The following NALF1 variants were observed in gnomAD, a reference collection of about 807,000 sequenced individuals.
NALF1 encodes the protein family with sequence similarity 155 member A.
NALF1 carries 3 observed loss-of-function variants against 48.4 expected under a neutral mutation model. The ratio of observed to expected loss-of-function variants is 0.06; its 90% CI spans 0.03 to 0.16. The LOEUF (loss-of-function observed/expected upper bound fraction) is 0.16. Among genes scored for constraint, NALF1 ranks in the 10% least tolerant of loss-of-function variants. The probability of loss-of-function intolerance (pLI) is 1.00; values close to 1 mark genes in which losing one functional copy is unlikely to be tolerated. For synonymous variants in NALF1, 262 were observed against 245.7 expected (o/e 1.07, Z -0.62); for missense variants, 526 against 571.5 (o/e 0.92, Z 0.81).
chr13:107,606,419 G>A (rs541090348), intron 1 of NALF1, among the ~76,000 whole-genome samples: 17 of 151,344 alleles, frequency 1.1e-4, no homozygotes, highest in South Asian at 8.4e-4. Context: ...AGACTGGAGC[G>A]CAGTGGTGCA....
chr13:107,701,914 T>C (rs973308918), intron 1 of NALF1, among the ~76,000 whole-genome samples: 2 of 152,188 alleles, frequency 1.3e-5, no homozygotes, highest in African/African-American at 4.8e-5. Context: ...CTCACTTTAA[T>C]GCGCTTATCA....
rs539888805 is a variant in NALF1, at chr13:107,614,804, G to C, written c.915+250878C>G. Reference sequence around the variant, plus strand: ...TTTCTTTTCTTTTTTTGAAGACAGAGTCTCGCTCTGTCACCCAGGCTGGAC... The same window carrying C: ...TTTCTTTTCTTTTTTTGAAGACAGACTCTCGCTCTGTCACCCAGGCTGGAC... On this transcript the variant is annotated intron_variant, in intron 1 of 2. Coordinates refer to ENST00000375915, the MANE Select transcript of NALF1 (RefSeq NM_001080396.3). Among the ~76,000 whole-genome samples, 10 of 145,378 alleles carry C rather than the reference G, an allele frequency of 6.9e-5. No individual in the cohort carries two copies. In the South Asian group the frequency reaches 2.2e-3, roughly 32 times the overall value.
At chr13:107,504,181 G>C (rs1378738209) in intron 1 of NALF1, among the ~76,000 whole-genome samples, 1 of 150,972 alleles carries the variant, frequency 6.6e-6, no homozygotes, top group Non-Finnish European at 1.5e-5. Flanking sequence ...AGCCTGGGAG[G>C]CAGAGGTTTC....
intron 1 of NALF1, among the ~76,000 whole-genome samples, chr13:107,702,573 C>T (rs1164527546): frequency 1.3e-5 from 2 of 151,974 alleles, no homozygotes; most frequent in African/African-American, 4.8e-5. Context: ...TTCAGGGGTA[C>T]ATGTCAGGAT....
At chr13:107,704,911 C>A (rs187622555) in intron 1 of NALF1, among the ~76,000 whole-genome samples, 1 of 152,246 alleles carries the variant, frequency 6.6e-6, no homozygotes, top group Non-Finnish European at 1.5e-5. Context: ...CTGTTTGTCT[C>A]ACTATTATGC....
chr13:107,289,871 G>A (rs567966001), intron 1 of NALF1, among the ~76,000 whole-genome samples: 16 of 152,212 alleles, frequency 1.1e-4, no homozygotes, highest in South Asian at 1.0e-3. Context: ...GAATGGATAC[G>A]GAAGAATAAA....
chr13:107,575,998 A>ACGTG (rs1878135230), intron 1 of NALF1, among the ~76,000 whole-genome samples: 1 of 150,910 alleles, frequency 6.6e-6, no homozygotes, highest in Non-Finnish European at 1.5e-5. Context: ...GTGCATGTAT[A>ACGTG]TGTGTGTGTG....
chr13:107,430,842 A>G (rs1206674878), intron 1 of NALF1, among the ~76,000 whole-genome samples: 4 of 152,140 alleles, frequency 2.6e-5, no homozygotes, highest in Non-Finnish European at 4.4e-5. Flanking sequence ...GTCAAATGGT[A>G]TTTCTAGTTC....
chr13:107,822,845 C>A (rs1287178651), intron 1 of NALF1, among the ~76,000 whole-genome samples: 1 of 151,918 alleles, frequency 6.6e-6, no homozygotes, highest in Non-Finnish European at 1.5e-5. Context: ...AAAGATGAAC[C>A]CAAAGATTGA....
At chr13:107,687,948 A>G (rs1881476504) in intron 1 of NALF1, among the ~76,000 whole-genome samples, 1 of 152,210 alleles carries the variant, frequency 6.6e-6, no homozygotes, top group African/African-American at 2.4e-5. Flanking sequence ...AGGCAAAAAT[A>G]TATTTAATTT....
At chr13:107,390,580 C>T (rs1459209992) in intron 1 of NALF1, among the ~76,000 whole-genome samples, 1 of 151,776 alleles carries the variant, frequency 6.6e-6, no homozygotes, top group Admixed American at 6.6e-5. Context: ...GGCTCCATCT[C>T]AAAAACAAAA....
intron 1 of NALF1, among the ~76,000 whole-genome samples, chr13:107,575,591 T>C (rs1470718149): frequency 2.0e-5 from 3 of 152,168 alleles, no homozygotes; most frequent in East Asian, 1.9e-4. Context: ...TCGTCACCCA[T>C]GCTATGCCAT....
chr13:107,414,825 G>A (rs1884058066), intron 1 of NALF1, among the ~76,000 whole-genome samples: 1 of 152,024 alleles, frequency 6.6e-6, no homozygotes, highest in African/African-American at 2.4e-5. Context: ...GAGTGTGTGT[G>A]TGTGTGTATG....
chr13:107,350,901 G>A (rs957661175), intron 1 of NALF1, among the ~76,000 whole-genome samples: 13 of 152,164 alleles, frequency 8.5e-5, no homozygotes, highest in Non-Finnish European at 1.8e-4. Context: ...CTGATTCTGT[G>A]GTTTGAGAAT....
chr13:107,467,389 T>G (rs1885022287), intron 1 of NALF1, among the ~76,000 whole-genome samples: 1 of 152,194 alleles, frequency 6.6e-6, no homozygotes, highest in African/African-American at 2.4e-5. Context: ...TTAACCTTAA[T>G]TTCATGGTTA....
At chr13:107,285,525 C>T (rs542893504) in intron 1 of NALF1, among the ~76,000 whole-genome samples, 2 of 152,262 alleles carry the variant, frequency 1.3e-5, no homozygotes, top group Admixed American at 6.5e-5. Flanking sequence ...ACTGTGTACA[C>T]TTGTACACCA....
At chr13:107,188,886 G>C (rs1879229557) in intron 2 of NALF1, among the ~76,000 whole-genome samples, 2 of 152,164 alleles carry the variant, frequency 1.3e-5, no homozygotes, top group South Asian at 4.1e-4. Context: ...TGTAGCCTAA[G>C]AGTAAAATGT....
At chr13:107,220,971 T>TA (rs887289291) in intron 1 of NALF1, among the ~76,000 whole-genome samples, 4 of 151,776 alleles carry the variant, frequency 2.6e-5, no homozygotes, top group Admixed American at 6.6e-5. Context: ...TAGTCAGCCA[T>TA]AAAAAAAAGA....
intron 1 of NALF1, among the ~76,000 whole-genome samples, chr13:107,561,946 G>A (rs548895781): frequency 6.6e-5 from 10 of 152,228 alleles, no homozygotes; most frequent in African/African-American, 2.2e-4. Context: ...ACTTTCCTAG[G>A]TTTGTCATTT....
Sources: allele counts gnomAD v4.1 joint callset (sites outside exome capture counted in the v4.1 genomes callset), GRCh38; gene constraint gnomAD v4.1.1; transcripts MANE v1.5; gene names NCBI Gene and HGNC (gene_info 2026-07-23, HGNC 2026-07-21).